The following GRIN2B variants were observed in gnomAD, a reference collection of about 807,000 sequenced individuals.
GRIN2B encodes glutamate receptor ionotropic, NMDA 2B.
Under a neutral mutation model 114.5 loss-of-function variants are expected in GRIN2B, and 5 were observed. That is an observed-to-expected ratio of 0.04 (90% CI 0.02 to 0.09). The LOEUF is 0.09. GRIN2B is among the 10% of genes least tolerant of loss of function. The probability of loss-of-function intolerance (pLI) is 1.00; values close to 1 mark genes in which losing one functional copy is unlikely to be tolerated. For synonymous variants in GRIN2B, 787 were observed against 745.1 expected, an observed-to-expected ratio of 1.06 and a Z score of -0.92; for missense variants, 1,108 against 1,943.5, an observed-to-expected ratio of 0.57 and a Z score of 8.08.
chr12:13,847,513 G>A (rs900083526), intron 3 of GRIN2B, among the ~76,000 whole-genome samples: 2 of 152,138 alleles, frequency 1.3e-5, no homozygotes, highest in African/African-American at 4.8e-5. Context: ...AGGTCCAAAG[G>A]TAGGCTACAG....
chr12:13,810,040 A>G (rs972389670), intron 3 of GRIN2B, among the ~76,000 whole-genome samples: 2 of 152,062 alleles, frequency 1.3e-5, no homozygotes. Context: ...CTGAACCCAG[A>G]GAGCTCCCCA....
At chr12:13,679,028 G>T (rs1313325237) in intron 4 of GRIN2B, among the ~76,000 whole-genome samples, 1 of 151,348 alleles carries the variant, frequency 6.6e-6, no homozygotes, top group Non-Finnish European at 1.5e-5. Flanking sequence ...GGAAGAAAAG[G>T]AAAGAGGAAG....
intron 10 of GRIN2B, among the ~76,000 whole-genome samples, chr12:13,591,195 T>C (rs1238118670): frequency 6.6e-6 from 1 of 152,084 alleles, no homozygotes; most frequent in Non-Finnish European, 1.5e-5. Context: ...AAAATCTCAC[T>C]GAAACAAGTG....
At chr12:13,916,683 ATCTC>A (rs1428586343) in intron 2 of GRIN2B, among the ~76,000 whole-genome samples, 1 of 142,352 alleles carries the variant, frequency 7.0e-6, no homozygotes, top group Non-Finnish European at 1.5e-5. Flanking sequence ...CCCCATCTCT[ATCTC>A]TCTCTCTCTC....
intron 2 of GRIN2B, among the ~76,000 whole-genome samples, chr12:13,873,393 A>T (rs907068813): frequency 6.6e-6 from 1 of 152,220 alleles, no homozygotes; most frequent in African/African-American, 2.4e-5. Context: ...AATGGCATCT[A>T]TATATTCAGG....
At chr12:13,856,359 C>T (rs537157268) in intron 3 of GRIN2B, among the ~76,000 whole-genome samples, 6 of 152,134 alleles carry the variant, frequency 3.9e-5, no homozygotes, top group South Asian at 2.1e-4. Flanking sequence ...GAAGCCAGGG[C>T]GGTTTTAAGC....
At chr12:13,840,656 A>G (rs1865362193) in intron 3 of GRIN2B, among the ~76,000 whole-genome samples, 1 of 152,254 alleles carries the variant, frequency 6.6e-6, no homozygotes, top group Non-Finnish European at 1.5e-5. Context: ...AGCACACAGC[A>G]AAGTACCTGA....
At chr12:13,767,415 T>A (rs74065283) in intron 3 of GRIN2B, among the ~76,000 whole-genome samples, 1,963 of 152,160 alleles carry the variant, frequency 0.013, 42 homozygotes, top group African/African-American at 0.044. Context: ...AGAAATGTAA[T>A]TTTTTTTCTA....
intron 2 of GRIN2B, among the ~76,000 whole-genome samples, chr12:13,949,833 T>C (rs1291205273): frequency 6.6e-6 from 1 of 152,172 alleles, no homozygotes; most frequent in Non-Finnish European, 1.5e-5. Context: ...TGTACTGTGT[T>C]TGCAGTACAG....
chr12:13,929,491 G>T (rs950108522), intron 2 of GRIN2B, among the ~76,000 whole-genome samples: 1 of 152,182 alleles, frequency 6.6e-6, no homozygotes, highest in Non-Finnish European at 1.5e-5. Flanking sequence ...GTTTGGGAAA[G>T]GCAGGTCTTA....
At chr12:13,865,634 A>AAG (rs144378043) in intron 3 of GRIN2B, among the ~76,000 whole-genome samples, 164 bp downstream of exon 3, 3 of 152,000 alleles carry the variant, frequency 2.0e-5, no homozygotes, top group Non-Finnish European at 4.4e-5. Flanking sequence ...CTCTGTCTCA[A>AAG]AGAGAGAGAG....
intron 3 of GRIN2B, among the ~76,000 whole-genome samples, chr12:13,842,681 T>C (rs1055195874): frequency 1.2e-4 from 18 of 152,208 alleles, no homozygotes; most frequent in African/African-American, 4.3e-4. Context: ...ATTATCAAAA[T>C]GTTGACTTCT....
At chr12:13,904,904 GAT>G (rs1286537901) in intron 2 of GRIN2B, among the ~76,000 whole-genome samples, 1 of 151,908 alleles carries the variant, frequency 6.6e-6, no homozygotes, top group African/African-American at 2.4e-5. Context: ...ATAATATTAT[GAT>G]ATAATTTTGA....
chr12:13,686,889 T>A (rs1314380032), intron 4 of GRIN2B, among the ~76,000 whole-genome samples: 1 of 152,176 alleles, frequency 6.6e-6, no homozygotes, highest in Non-Finnish European at 1.5e-5. Context: ...ATGGAAGCTG[T>A]TTGGGTCATG....
At chr12:13,967,344 A>T (rs1867805714) in intron 2 of GRIN2B, among the ~76,000 whole-genome samples, 1 of 152,222 alleles carries the variant, frequency 6.6e-6, no homozygotes, top group Non-Finnish European at 1.5e-5. Context: ...TCAACCATAA[A>T]CATTTACTAC....
intron 2 of GRIN2B, among the ~76,000 whole-genome samples, chr12:13,939,346 C>T (rs377354090): frequency 6.6e-6 from 1 of 151,916 alleles, no homozygotes; most frequent in Non-Finnish European, 1.5e-5. Context: ...TGGTTTGGTG[C>T]CTTTCCCCAG....
chr12:13,784,172 C>G (rs1234051777), intron 3 of GRIN2B, among the ~76,000 whole-genome samples: 6 of 128,154 alleles, frequency 4.7e-5, no homozygotes, highest in African/African-American at 1.8e-4. Flanking sequence ...TGCAGTGAGC[C>G]AAGATCGCGC....
At chr12:13,662,229 C>T (rs947120055) in intron 5 of GRIN2B, among the ~76,000 whole-genome samples, 2 of 152,058 alleles carry the variant, frequency 1.3e-5, no homozygotes, top group Admixed American at 6.6e-5. Context: ...AATCTAGCAG[C>T]GAGAAAAAAA....
At chr12:13,573,821 C>A (rs1285231676) in intron 10 of GRIN2B, among the ~76,000 whole-genome samples, 1 of 152,112 alleles carries the variant, frequency 6.6e-6, no homozygotes, top group African/African-American at 2.4e-5. Context: ...CACCAGGAGC[C>A]ATAAATGCCA....
Sources: gnomAD v4.1 joint callset for allele counts (sites outside exome capture counted in the v4.1 genomes callset) on GRCh38, gnomAD v4.1.1 for gene constraint, MANE v1.5 for transcripts, NCBI Gene and HGNC (gene_info 2026-07-23, HGNC 2026-07-21) for gene names.